Variants in DENND2B observed in about 807,000 individuals in gnomAD.
DENND2B encodes DENN domain-containing protein 2B.
DENND2B carries 32 observed loss-of-function variants against 116.0 expected under a neutral mutation model. The observed-to-expected ratio is 0.28, with a 90% CI of 0.21 to 0.37. DENND2B has a LOEUF of 0.37. DENND2B is among the 10% of genes least tolerant of loss of function. DENND2B has a pLI of 1.00. For synonymous variants in DENND2B, 588 were observed against 583.9 expected, an observed-to-expected ratio of 1.01 and a Z score of -0.10; for missense variants, 1,276 against 1,477.7, an observed-to-expected ratio of 0.86 and a Z score of 2.24.
At chr11:8,797,469 T>A (rs2059925708) in intron 1 of DENND2B, among the ~76,000 whole-genome samples, 1 of 123,542 alleles carries the variant, frequency 8.1e-6, no homozygotes, top group Non-Finnish European at 1.7e-5. Flanking sequence ...TTCTTCCCCT[T>A]TCTTCCCCTT....
chr11:8,763,032 G>A (rs1464497592), intron 1 of DENND2B, among the ~76,000 whole-genome samples: 1 of 151,992 alleles, frequency 6.6e-6, no homozygotes, highest in East Asian at 1.9e-4. Flanking sequence ...AATATATGAG[G>A]AACTTCTACA....
At chr11:8,910,900 G>A (rs1042222136) in exon 1 of DENND2B, 4 of 154,270 alleles carry the variant, frequency 2.6e-5, no homozygotes, top group Admixed American at 2.0e-4. Flanking sequence ...AGATGCCCTG[G>A]GCTGCTGGCT....
chr11:8,821,134 A>AC (rs1179287614), intron 4 of DENND2B, among the ~76,000 whole-genome samples: 2 of 148,794 alleles, frequency 1.3e-5, no homozygotes, highest in African/African-American at 4.9e-5. Context: ...AAAAAAAAAA[A>AC]TTAATTAATT....
At chr11:8,889,093 T>C (rs866897781) in intron 1 of DENND2B, among the ~76,000 whole-genome samples, 2 of 152,116 alleles carry the variant, frequency 1.3e-5, no homozygotes, top group African/African-American at 4.8e-5. Flanking sequence ...ACCCAAAAAA[T>C]TGAAACCAGG....
intron 4 of DENND2B, among the ~76,000 whole-genome samples, chr11:8,824,558 T>C (rs1205251685): frequency 1.3e-5 from 2 of 152,222 alleles, no homozygotes; most frequent in African/African-American, 2.4e-5. Context: ...CTGCATAGTA[T>C]TCCATGCTGT....
In DENND2B at chr11:8,696,580, G is replaced by T; in HGVS notation, c.3139C>A (p.Gln1047Lys). The change falls in exon 18 of 20, where the codon CAG (glutamine) becomes AAG (lysine). Residue 1047 changes from glutamine (Q) to lysine (K), a missense_variant. Gln to Lys is a moderately conservative substitution (Grantham distance 53). Coordinates refer to ENST00000313726, the MANE Select transcript of DENND2B (RefSeq NM_213618.2). ...TVGHYSLFLT[Q>K]SEKGERAFQR... is the part of the protein sequence containing the mutation. ...AAGGCCCTCTCTCCCTTCTCACTCT[G>T]TGTCAGAAAGAGGGAGTAGTGCCCA... 1.2e-6 allele frequency: 2 copies of T among 1,614,168 alleles called. No individual in the cohort carries two copies. The highest frequency in any genetic ancestry group is 1.7e-6 in the Non-Finnish European group (2 of 1,180,030).
chr11:8,849,511 AAAC>A (rs1175302929), intron 3 of DENND2B, among the ~76,000 whole-genome samples: 25 of 149,202 alleles, frequency 1.7e-4, no homozygotes, highest in Non-Finnish European at 1.0e-4. Context: ...AAAAAAAAAA[AAAC>A]AGACAGAAAG....
At chr11:8,765,914 C>G (rs959715320) in intron 1 of DENND2B, among the ~76,000 whole-genome samples, 4 of 152,020 alleles carry the variant, frequency 2.6e-5, no homozygotes, top group East Asian at 1.9e-4. Flanking sequence ...TGGTGCCTGC[C>G]TGTAGTCCCA....
chr11:8,708,115 C>T, intron 11 of DENND2B: 1 of 1,398,006 alleles, frequency 7.2e-7, no homozygotes, highest in Non-Finnish European at 9.3e-7. Context: ...ACCCTTCCTC[C>T]CAGGAGGACG....
In DENND2B at chr11:8,697,531, C is replaced by T. The variant is rs1237415923; in HGVS notation, c.3046G>A (p.Asp1016Asn). The change falls in exon 17 of 20, where the codon GAC becomes AAC. Residue 1016 changes from aspartate (D) to asparagine (N), a missense_variant. Around this residue, in one of 2 missense-constraint regions of DENND2B, gnomAD observed 420 missense variants for 631.1 expected, o/e 0.67. Transcript: ENST00000313726. ...LISQDSDSDS[D>N]DECNTLNGLV... ...GCCCGGGCACTATTCTCACCATCGT[C>T]GGAGTCGCTGTCAGAGTCCTGGGAG... is the stretch of plus-strand genomic sequence containing the variant. 2 of 1,613,688 alleles carry T rather than the reference C, an allele frequency of 1.2e-6. No individual in the cohort carries two copies. The highest frequency in any genetic ancestry group is 1.7e-6 in the Non-Finnish European group (2 of 1,179,698).
chr11:8,839,968 G>C (rs1037656877), intron 3 of DENND2B, among the ~76,000 whole-genome samples: 2 of 151,998 alleles, frequency 1.3e-5, no homozygotes, highest in African/African-American at 2.4e-5. Context: ...CAGTCTATGA[G>C]ACAAGGAGTT....
intron 14 of DENND2B, among the ~76,000 whole-genome samples, chr11:8,700,825 T>TTTTA (rs1388016068): frequency 2.6e-5 from 4 of 151,980 alleles, no homozygotes; most frequent in Non-Finnish European, 4.4e-5. Context: ...ATTTTTAAAT[T>TTTTA]TTTATTTATT....
chr11:8,734,078 A>C (rs2048560111), intron 2 of DENND2B, among the ~76,000 whole-genome samples: 1 of 152,122 alleles, frequency 6.6e-6, no homozygotes, highest in Non-Finnish European at 1.5e-5. Flanking sequence ...GGCACCAGTC[A>C]CTCATTCCAA....
At position 8,821,432 on chromosome 11, in the gene DENND2B, A is replaced by G. The variant is rs1160354386; in HGVS notation, c.-114-10097T>C. Among the ~76,000 whole-genome samples the G allele has an allele frequency of 2.0e-5, 3 of 150,342 alleles. No homozygotes were observed. The East Asian group carries it at 5.8e-4, about 29-fold the overall frequency. On this transcript the variant is annotated intron_variant, in intron 4 of 6. Transcript: ENST00000524757. The stretch of plus-strand genomic sequence containing the variant: ...AGAGACCTTGTCTCTACCAAAAATA[A>G]AAAAAAAAAATTAGCACAAGCCTGT...
At position 8,730,531 on chromosome 11, in the gene DENND2B, G is replaced by T. The variant is rs761969325; in HGVS notation, c.759C>A (p.Phe253Leu). 1.9e-6 allele frequency: 3 copies of T among 1,613,180 alleles called. No individual in the cohort carries two copies. The highest frequency in any genetic ancestry group is 1.7e-6 in the Non-Finnish European group (2 of 1,180,032). ...GGCCCAGCCGTTTCTCCAGCCGGTAGAAAGAGTCCCGGACAGGGAGCGCCT... is the reference window on the plus strand; with the variant it reads ...GGCCCAGCCGTTTCTCCAGCCGGTATAAAGAGTCCCGGACAGGGAGCGCCT... ...EGEALPVRDS[F>L]YRLEKRLGRS... is the part of the protein sequence containing the mutation. The change falls in exon 3 of 20, where the codon TTC (phenylalanine) becomes TTA (leucine). Residue 253 changes from phenylalanine (F) to leucine (L), a missense_variant. Around this residue, in one of 2 missense-constraint regions of DENND2B, gnomAD observed 856 missense variants for 846.6 expected, o/e 1.01. Coordinates refer to ENST00000313726, the MANE Select transcript of DENND2B (RefSeq NM_213618.2). This position sits in a 1 kb window ranked among gnomAD's most constrained non-coding sequence, Gnocchi z 4.1.
chr11:8,812,946 GTTAT>G (rs562665372), upstream of DENND2B, among the ~76,000 whole-genome samples: 10 of 151,958 alleles, frequency 6.6e-5, no homozygotes, highest in South Asian at 6.2e-4. Flanking sequence ...AGGTCCTGAT[GTTAT>G]TTATTTATTT....
At chr11:8,868,469 C>T (rs1203301641) in intron 2 of DENND2B, among the ~76,000 whole-genome samples, 1 of 152,234 alleles carries the variant, frequency 6.6e-6, no homozygotes, top group East Asian at 1.9e-4. Context: ...CACTGGACCT[C>T]CCACTGCTCT....
rs532608373 is a variant in DENND2B at position 8,836,172 on chromosome 11, C to T, written c.-115+3138G>A. ...ACCAGCCTGGCTAACACAGTGAAAC[C>T]CCGTCTCTACTAAAAATACAAAAAA... On this transcript the variant is annotated intron_variant, in intron 4 of 6. Coordinates refer to the DENND2B transcript ENST00000524757. 4.1e-4 allele frequency among the ~76,000 whole-genome samples: 57 copies of T among 137,778 alleles called. 2 individuals carry two copies. In the South Asian group the frequency reaches 0.014, roughly 34 times the overall value. The allele number at this position is 137,778 out of a possible 152,430, so 90.4% of individuals were successfully genotyped here. A position where few individuals can be genotyped will look rare whatever the true frequency, so the allele number is the denominator to read the frequency against.
chr11:8,724,257 C>T lies in DENND2B; in HGVS notation c.1477+1816G>A, dbSNP rs1052410968. Among the ~76,000 whole-genome samples, 5 of 151,862 alleles carry T rather than the reference C, an allele frequency of 3.3e-5. 1 individual carries two copies. Among genetic ancestry groups the T allele is most frequent in the African/African-American group, 1.2e-4 (5 of 41,376 alleles). ...CTTGCAGTGAGCCGAGATCGCACCA[C>T]TGCACTCCAGCCTGGGTGACAGAGC... On this transcript the variant is annotated intron_variant, in intron 4 of 19. Coordinates refer to ENST00000313726, the MANE Select transcript of DENND2B (RefSeq NM_213618.2).
Sources: gnomAD v4.1 joint callset for allele counts (sites outside exome capture counted in the v4.1 genomes callset) on GRCh38, gnomAD v4.1.1 for gene constraint, gnomAD v4.1.1 regional missense constraint, Gnocchi (gnomAD v3.1) non-coding constraint, MANE v1.5 for transcripts, NCBI Gene and HGNC (gene_info 2026-07-23, HGNC 2026-07-21) for gene names.